PTPRN2: variants seen among roughly 807,000 people sequenced by gnomAD.
PTPRN2 encodes the protein receptor-type tyrosine-protein phosphatase N2.
In PTPRN2, 74 loss-of-function variants were observed where a neutral mutation model predicts 118.8. That is an observed-to-expected ratio of 0.62 (90% CI 0.52 to 0.76). The LOEUF is 0.76. PTPRN2 is among the 30% of genes least tolerant of loss of function. The probability of loss-of-function intolerance (pLI) is 0.00; values close to 1 mark genes in which losing one functional copy is unlikely to be tolerated. For missense variants in PTPRN2, 1,481 were observed against 1,394.4 expected (o/e 1.06, Z -0.99); for synonymous variants, 641 against 608.0 (o/e 1.05, Z -0.80).
At chr7:158,583,534 G>A (rs1563457306) in intron 1 of PTPRN2, among the ~76,000 whole-genome samples, 1 of 151,606 alleles carries the variant, frequency 6.6e-6, no homozygotes, top group Non-Finnish European at 1.5e-5. Flanking sequence ...AAATCAGCTT[G>A]GAAGAAGAGC....
At chr7:158,055,497 C>T (rs548300880) in intron 11 of PTPRN2, among the ~76,000 whole-genome samples, 12 of 152,188 alleles carry the variant, frequency 7.9e-5, no homozygotes, top group South Asian at 2.1e-4. Context: ...CGCAGTTATC[C>T]GGAGGCCTAA....
chr7:158,195,848 A>G (rs149407510), intron 4 of PTPRN2, among the ~76,000 whole-genome samples: 1,603 of 152,258 alleles, frequency 0.011, 23 homozygotes, highest in South Asian at 0.057. Context: ...ATGTCTATAT[A>G]TTCACATTGT....
chr7:158,044,364 G>C (rs1002254000), intron 11 of PTPRN2, among the ~76,000 whole-genome samples: 1 of 152,156 alleles, frequency 6.6e-6, no homozygotes, highest in Non-Finnish European at 1.5e-5. Flanking sequence ...AATCTGTACA[G>C]GACTCTGGGG....
chr7:157,831,905 T>C lies in PTPRN2; in HGVS notation c.1788+66768A>G, dbSNP rs1401700351. Among the ~76,000 whole-genome samples the C allele has an allele frequency of 3.3e-5, 5 of 152,220 alleles. No homozygotes were observed. Among genetic ancestry groups the C allele is most frequent in the South Asian group, 2.1e-4 (1 of 4,828 alleles). On this transcript the variant is annotated intron_variant, in intron 12 of 22. Transcript: ENST00000389418. This position sits in a 1 kb window ranked among gnomAD's most constrained non-coding sequence, Gnocchi z 4.8. ...TCCTTAAGCTGGGGGAGGGCAGTTA[T>C]GGAGCTCCAGAGCGGGGTAAGTTGT...
intron 2 of PTPRN2, among the ~76,000 whole-genome samples, chr7:158,374,300 GAACTCTCCAC>G (rs1810327404): frequency 6.6e-6 from 1 of 152,212 alleles, no homozygotes; most frequent in East Asian, 1.9e-4. Context: ...ACTGGAAATG[GAACTCTCCAC>G]AAACACCAAC....
At chr7:158,118,762 C>A (rs920006979) in intron 9 of PTPRN2, among the ~76,000 whole-genome samples, 4 of 152,200 alleles carry the variant, frequency 2.6e-5, no homozygotes, top group Non-Finnish European at 5.9e-5. Flanking sequence ...AGTGCAGTGG[C>A]ATGATCGTTG....
intron 1 of PTPRN2, 103 bp from the exon 2 acceptor site, chr7:158,489,888 G>A: frequency 1.8e-6 from 2 of 1,110,964 alleles, no homozygotes; most frequent in Admixed American, 2.2e-5. Context: ...GAAACCGCCG[G>A]TCAAGCAGGC....
At chr7:158,348,075 CG>C (rs1807647727) in intron 2 of PTPRN2, among the ~76,000 whole-genome samples, 1 of 152,130 alleles carries the variant, frequency 6.6e-6, no homozygotes, top group African/African-American at 2.4e-5. Flanking sequence ...TTCCAAACCA[CG>C]GCCCCCTCCT....
At chr7:157,793,335 G>A (rs1804642958) in intron 12 of PTPRN2, among the ~76,000 whole-genome samples, 2 of 152,080 alleles carry the variant, frequency 1.3e-5, no homozygotes, top group African/African-American at 4.8e-5. Flanking sequence ...GATGACCCTC[G>A]CGGCGGTGAT....
intron 6 of PTPRN2, among the ~76,000 whole-genome samples, chr7:158,145,051 A>G (rs578196751): frequency 6.8e-6 from 1 of 147,250 alleles, no homozygotes; most frequent in South Asian, 2.1e-4. Flanking sequence ...CGGCTCGGCA[A>G]GGTTTCCCTC....
rs959649889 is a variant in PTPRN2 at position 158,563,016 on chromosome 7, C to T, written c.112+24542G>A. 1.3e-5 allele frequency among the ~76,000 whole-genome samples: 2 copies of T among 152,192 alleles called. No homozygotes were observed. The highest frequency in any genetic ancestry group is 2.4e-5 in the African/African-American group (1 of 41,452). On this transcript the variant is annotated intron_variant, in intron 1 of 22. Transcript: ENST00000389418. The surrounding 1 kb of genome is among the most constrained non-coding windows in gnomAD (Gnocchi z 5.1). The stretch of plus-strand genomic sequence containing the variant: ...ATGTTTCCTGGCCCAGGAAAACCTA[C>T]ATTGAGGGGGCAGGGTGTGGTCCTC...
intron 11 of PTPRN2, among the ~76,000 whole-genome samples, chr7:158,006,988 C>T (rs528591120): frequency 3.3e-5 from 5 of 152,280 alleles, no homozygotes; most frequent in South Asian, 2.1e-4. Flanking sequence ...AAATGTACTC[C>T]GTCACAGTTC....
chr7:158,191,412 C>A (rs577717436), intron 5 of PTPRN2, among the ~76,000 whole-genome samples: 1 of 152,008 alleles, frequency 6.6e-6, no homozygotes, highest in Admixed American at 6.5e-5. Flanking sequence ...GTGTGAGCGT[C>A]GCCATCAAAC....
intron 12 of PTPRN2, among the ~76,000 whole-genome samples, chr7:157,738,663 T>C (rs1395751688): frequency 1.3e-5 from 2 of 152,260 alleles, no homozygotes; most frequent in Non-Finnish European, 2.9e-5. Context: ...TCATCACGGC[T>C]CATCACAGGA....
intron 11 of PTPRN2, among the ~76,000 whole-genome samples, chr7:157,967,563 T>C (rs148753568): frequency 1.1e-3 from 166 of 152,190 alleles, no homozygotes; most frequent in African/African-American, 3.7e-3. Flanking sequence ...AATCTGACTG[T>C]GGGCTGAGAG....
chr7:157,759,249 G>A (rs1037490508), intron 12 of PTPRN2, among the ~76,000 whole-genome samples: 1 of 152,214 alleles, frequency 6.6e-6, no homozygotes, highest in Non-Finnish European at 1.5e-5. Flanking sequence ...CGTCTCCTCT[G>A]CCCAAATCCT....
chr7:158,585,680 C>G (rs955452224), intron 1 of PTPRN2, among the ~76,000 whole-genome samples: 2 of 152,210 alleles, frequency 1.3e-5, no homozygotes, highest in Non-Finnish European at 2.9e-5. Context: ...TCAGCTACCC[C>G]CCACCTTTCT....
chr7:158,322,758 C>A (rs1401127439), intron 2 of PTPRN2, among the ~76,000 whole-genome samples: 3 of 152,236 alleles, frequency 2.0e-5, no homozygotes, highest in Non-Finnish European at 4.4e-5. Context: ...GGCCTTCATC[C>A]CAGGAGCTAG....
intron 1 of PTPRN2, among the ~76,000 whole-genome samples, chr7:158,560,624 T>C (rs1470164950): frequency 6.6e-6 from 1 of 152,218 alleles, no homozygotes; most frequent in Non-Finnish European, 1.5e-5. Context: ...CCCCAGGCAG[T>C]CTCACAAGGC....
Sources: gnomAD v4.1 joint callset for allele counts (sites outside exome capture counted in the v4.1 genomes callset) on GRCh38, gnomAD v4.1.1 for gene constraint, Gnocchi (gnomAD v3.1) non-coding constraint, MANE v1.5 for transcripts, NCBI Gene and HGNC (gene_info 2026-07-23, HGNC 2026-07-21) for gene names.